Variants in SPAG17 observed in about 807,000 individuals in gnomAD.
The protein encoded by SPAG17 is sperm associated antigen 17.
SPAG17 carries 169 observed loss-of-function variants against 273.6 expected under a neutral mutation model. The ratio of observed to expected loss-of-function variants is 0.62; its 90% CI spans 0.55 to 0.70. The LOEUF is 0.70. Ranked by LOEUF, SPAG17 falls within the 30% of genes least tolerant of loss-of-function variation. The probability of loss-of-function intolerance (pLI) is 0.00; values close to 1 mark genes in which losing one functional copy is unlikely to be tolerated. For missense variants in SPAG17, 2,557 were observed against 2,627.8 expected, an observed-to-expected ratio of 0.97 and a Z score of 0.59; for synonymous variants, 825 against 873.2, an observed-to-expected ratio of 0.94 and a Z score of 0.97.
At chr1:118,026,792 C>T (rs985521206) in intron 26 of SPAG17, among the ~76,000 whole-genome samples, 1 of 152,132 alleles carries the variant, frequency 6.6e-6, no homozygotes, top group African/African-American at 2.4e-5. Flanking sequence ...TAAAAAGTCA[C>T]TCAGGAAAGG....
At chr1:118,165,304 A>G (rs1660110286) in intron 1 of SPAG17, among the ~76,000 whole-genome samples, 1 of 152,136 alleles carries the variant, frequency 6.6e-6, no homozygotes, top group Non-Finnish European at 1.5e-5. Flanking sequence ...CAAGGGCGCC[A>G]GAAGTCCCAC....
intron 25 of SPAG17, among the ~76,000 whole-genome samples, chr1:118,029,000 A>C (rs1648109422): frequency 6.6e-6 from 1 of 152,204 alleles, no homozygotes; most frequent in Non-Finnish European, 1.5e-5. Flanking sequence ...TTGCAATTTC[A>C]GCTACTTGAA....
At chr1:118,134,873 T>C (rs578212183) in intron 3 of SPAG17, among the ~76,000 whole-genome samples, 5 of 151,912 alleles carry the variant, frequency 3.3e-5, no homozygotes, top group African/African-American at 1.2e-4. Context: ...CCTTCATGAC[T>C]TCTTCATTCA....
At chr1:118,146,552 T>C (rs966701648) in intron 3 of SPAG17, among the ~76,000 whole-genome samples, 1 of 152,184 alleles carries the variant, frequency 6.6e-6, no homozygotes, top group African/African-American at 2.4e-5. Flanking sequence ...TTAGCATATA[T>C]TATACCATAT....
chr1:118,144,039 C>A (rs753564113), intron 3 of SPAG17, among the ~76,000 whole-genome samples: 1 of 152,214 alleles, frequency 6.6e-6, no homozygotes, highest in South Asian at 2.1e-4. Flanking sequence ...GGACTGCTAA[C>A]TATTTGCCAC....
At chr1:118,103,840 A>AGTGTGT (rs60797775) in intron 4 of SPAG17, among the ~76,000 whole-genome samples, 2,403 of 136,368 alleles carry the variant, frequency 0.018, 68 homozygotes, top group African/African-American at 0.051. Context: ...GGGAAAATGT[A>AGTGTGT]GTGTGTGTGT....
chr1:118,141,180 G>T (rs1210043458), intron 3 of SPAG17, among the ~76,000 whole-genome samples: 1 of 152,182 alleles, frequency 6.6e-6, no homozygotes, highest in Non-Finnish European at 1.5e-5. Context: ...TAAATTATAT[G>T]AGGCCAGGCA....
intron 29 of SPAG17, among the ~76,000 whole-genome samples, chr1:118,013,141 A>G (rs1659639734): frequency 6.6e-6 from 1 of 152,220 alleles, no homozygotes; most frequent in Non-Finnish European, 1.5e-5. Flanking sequence ...GGAAAGCTCA[A>G]CCTGCAACTG....
intron 32 of SPAG17, among the ~76,000 whole-genome samples, chr1:117,998,097 T>C (rs1046320754): frequency 3.3e-5 from 5 of 152,222 alleles, no homozygotes; most frequent in African/African-American, 7.2e-5. Context: ...TTGTTGCAAT[T>C]GCTTTTGGTG....
chr1:118,075,243 A>G (rs1653980656), intron 15 of SPAG17, among the ~76,000 whole-genome samples: 1 of 152,250 alleles, frequency 6.6e-6, no homozygotes, highest in Admixed American at 6.5e-5. Context: ...TCCATGGACC[A>G]ATACGAGTCA....
chr1:118,089,282 T>C (rs868695776), intron 10 of SPAG17, among the ~76,000 whole-genome samples: 2 of 148,504 alleles, frequency 1.3e-5, no homozygotes, highest in Non-Finnish European at 3.0e-5. Context: ...AAGGTTAAGA[T>C]AGAATTAAGC....
chr1:118,108,524 A>G (rs1027944995), intron 4 of SPAG17, among the ~76,000 whole-genome samples: 6 of 152,156 alleles, frequency 3.9e-5, no homozygotes, highest in African/African-American at 1.4e-4. Context: ...TCTGGATAAC[A>G]TGGCATGCAT....
rs113028585 is a variant in SPAG17, at chr1:118,077,329, G to A, written c.2210-2729C>T. Reference sequence around the variant, plus strand: ...CTGGAAGTAGGTCAAAATGCACCACGGAGAAACACTTATGGCCCTGAGATC... The same window carrying A: ...CTGGAAGTAGGTCAAAATGCACCACAGAGAAACACTTATGGCCCTGAGATC... On this transcript the variant is annotated intron_variant, in intron 15 of 48. Transcript: ENST00000336338. 6.5e-3 allele frequency among the ~76,000 whole-genome samples: 992 copies of A among 152,094 alleles called. 10 individuals carry two copies. Among genetic ancestry groups the A allele is most frequent in the African/African-American group, 0.016 (653 of 41,490 alleles).
At chr1:118,100,743 A>G (rs1452348019) in intron 5 of SPAG17, among the ~76,000 whole-genome samples, 1 of 152,146 alleles carries the variant, frequency 6.6e-6, no homozygotes, top group Non-Finnish European at 1.5e-5. Context: ...TATGCAGATA[A>G]CAACAGGTAG....
intron 46 of SPAG17, 111 bp downstream of exon 46, chr1:117,969,939 TTATACA>T: frequency 1.1e-6 from 1 of 894,276 alleles, no homozygotes; most frequent in Non-Finnish European, 1.8e-6. Flanking sequence ...AACAGTAGAC[TTATACA>T]TAGTTTAAAA....
intron 4 of SPAG17, among the ~76,000 whole-genome samples, chr1:118,106,792 C>T (rs2102234384): frequency 6.6e-6 from 1 of 152,310 alleles, no homozygotes; most frequent in South Asian, 2.1e-4. Context: ...CACAGATACT[C>T]CTCCCCATCA....
intron 20 of SPAG17, among the ~76,000 whole-genome samples, chr1:118,047,760 GC>G (rs1430418004): frequency 6.6e-6 from 1 of 151,106 alleles, no homozygotes; most frequent in Non-Finnish European, 1.5e-5. Flanking sequence ...GCTGGCAAGT[GC>G]AAAACCTATC....
At chr1:117,968,543 C>G (rs1654171590) in intron 46 of SPAG17, among the ~76,000 whole-genome samples, 1 of 152,160 alleles carries the variant, frequency 6.6e-6, no homozygotes, top group Admixed American at 6.5e-5. Flanking sequence ...GAGTTTCAGC[C>G]TGTATAATAC....
chr1:117,993,625 T>C (rs991705587), intron 35 of SPAG17, among the ~76,000 whole-genome samples: 4 of 152,200 alleles, frequency 2.6e-5, no homozygotes, highest in Non-Finnish European at 4.4e-5. Context: ...TCTTAAATGT[T>C]CATCATTTGT....
Sources: allele counts gnomAD v4.1 joint callset (sites outside exome capture counted in the v4.1 genomes callset), GRCh38; gene constraint gnomAD v4.1.1; transcripts MANE v1.5; gene names NCBI Gene and HGNC (gene_info 2026-07-23, HGNC 2026-07-21).